The following HS6ST3 variants were observed in gnomAD, a reference collection of about 807,000 sequenced individuals.
HS6ST3 encodes heparan sulfate 6-O-sulfotransferase 3.
HS6ST3 carries 12 observed loss-of-function variants against 36.7 expected under a neutral mutation model. That is an observed-to-expected ratio of 0.33 (90% CI 0.21 to 0.53). HS6ST3 has a LOEUF of 0.53. Ranked by LOEUF, HS6ST3 falls within the 20% of genes least tolerant of loss-of-function variation. The probability of loss-of-function intolerance (pLI) is 0.95; values close to 1 mark genes in which losing one functional copy is unlikely to be tolerated. For missense variants in HS6ST3, 584 were observed against 640.9 expected (o/e 0.91, Z 0.96); for synonymous variants, 240 against 257.5 (o/e 0.93, Z 0.65).
At chr13:96,814,131 G>T (rs916303910) in intron 1 of HS6ST3, among the ~76,000 whole-genome samples, 4 of 152,096 alleles carry the variant, frequency 2.6e-5, no homozygotes, top group Non-Finnish European at 4.4e-5. Context: ...CTTGCAGACT[G>T]TGTTAATTCC....
chr13:96,593,447 T>C (rs1254427535), intron 1 of HS6ST3, among the ~76,000 whole-genome samples: 1 of 151,492 alleles, frequency 6.6e-6, no homozygotes, highest in African/African-American at 2.4e-5. Context: ...CCACCCACCT[T>C]TGTCTCCCAA....
At chr13:96,195,187 A>G (rs1234890406) in intron 1 of HS6ST3, among the ~76,000 whole-genome samples, 1 of 152,206 alleles carries the variant, frequency 6.6e-6, no homozygotes, top group Non-Finnish European at 1.5e-5. Flanking sequence ...GGAAACAAAA[A>G]TAGCATTAAC....
rs1012207624 is a variant in HS6ST3, at chr13:96,453,823, A to G, written c.707+362254A>G. 4.6e-5 allele frequency among the ~76,000 whole-genome samples: 7 copies of G among 152,270 alleles called. No homozygotes were observed. In the South Asian group the frequency reaches 1.5e-3, roughly 32 times the overall value. The stretch of plus-strand genomic sequence containing the variant: ...TCGCCAACTCTGAATAATCTGAAAA[A>G]TTTAAATATTTCTTGGCTAACTTTT... On this transcript the variant is annotated intron_variant, in intron 1 of 1. Coordinates refer to ENST00000376705, the MANE Select transcript of HS6ST3 (RefSeq NM_153456.4).
intron 1 of HS6ST3, among the ~76,000 whole-genome samples, chr13:96,758,853 T>A (rs1876896516): frequency 6.6e-6 from 1 of 152,044 alleles, no homozygotes; most frequent in African/African-American, 2.4e-5. Flanking sequence ...TGTAGCATTC[T>A]ATAAATATCA....
At chr13:96,691,462 T>C (rs1424642696) in intron 1 of HS6ST3, among the ~76,000 whole-genome samples, 1 of 152,124 alleles carries the variant, frequency 6.6e-6, no homozygotes, top group African/African-American at 2.4e-5. Context: ...AAATAAAGCT[T>C]ATAATTTAGG....
At chr13:96,594,260 C>T (rs565270528) in intron 1 of HS6ST3, among the ~76,000 whole-genome samples, 25 of 151,566 alleles carry the variant, frequency 1.6e-4, no homozygotes, top group Non-Finnish European at 1.8e-4. Context: ...TATGAGCCAC[C>T]GCACCTGGCC....
At chr13:96,778,694 A>G (rs1254531087) in intron 1 of HS6ST3, among the ~76,000 whole-genome samples, 1 of 152,190 alleles carries the variant, frequency 6.6e-6, no homozygotes, top group Non-Finnish European at 1.5e-5. Flanking sequence ...GGATGTGGAG[A>G]AACTGGAACC....
chr13:96,266,650 C>A (rs1314649488), intron 1 of HS6ST3, among the ~76,000 whole-genome samples: 1 of 152,006 alleles, frequency 6.6e-6, no homozygotes, highest in African/African-American at 2.4e-5. Context: ...GTGGGTACAT[C>A]CCTTGAAATT....
At chr13:96,104,147 G>A (rs1402952315) in intron 1 of HS6ST3, among the ~76,000 whole-genome samples, 1 of 152,080 alleles carries the variant, frequency 6.6e-6, no homozygotes, top group Non-Finnish European at 1.5e-5. Context: ...GATTTGAGAA[G>A]ACTGTTGAAT....
At chr13:96,328,259 A>C (rs1375468581) in intron 1 of HS6ST3, among the ~76,000 whole-genome samples, 13 of 148,708 alleles carry the variant, frequency 8.7e-5, no homozygotes, top group East Asian at 7.9e-4. Flanking sequence ...GTCTTGTGCC[A>C]GTTTTCAAAG....
chr13:96,473,426 A>G (rs1019515492), intron 1 of HS6ST3, among the ~76,000 whole-genome samples: 1 of 152,238 alleles, frequency 6.6e-6, no homozygotes, highest in East Asian at 1.9e-4. Flanking sequence ...TTCTTAAAAA[A>G]GTATATGCTG....
At chr13:96,745,552 C>T (rs536962918) in intron 1 of HS6ST3, among the ~76,000 whole-genome samples, 3 of 152,090 alleles carry the variant, frequency 2.0e-5, no homozygotes, top group South Asian at 2.1e-4. Context: ...CCAGAAGTCC[C>T]GAGAGTAACC....
At chr13:96,095,446 A>T (rs1043371777) in intron 1 of HS6ST3, among the ~76,000 whole-genome samples, 2 of 152,184 alleles carry the variant, frequency 1.3e-5, no homozygotes, top group African/African-American at 4.8e-5. Flanking sequence ...AACCCTGTGG[A>T]TGTTATATTA....
At chr13:96,563,843 C>T (rs895241592) in intron 1 of HS6ST3, among the ~76,000 whole-genome samples, 4 of 152,184 alleles carry the variant, frequency 2.6e-5, no homozygotes, top group African/African-American at 4.8e-5. Flanking sequence ...CACCTTCTTA[C>T]CCACTTTCAT....
chr13:96,199,160 C>G (rs2139350406), intron 1 of HS6ST3, among the ~76,000 whole-genome samples: 1 of 152,204 alleles, frequency 6.6e-6, no homozygotes, highest in Middle Eastern at 3.4e-3. Flanking sequence ...CTCCTAGATC[C>G]CTCCCACAAC....
At chr13:96,336,411 C>A (rs2055101183) in intron 1 of HS6ST3, among the ~76,000 whole-genome samples, 1 of 152,132 alleles carries the variant, frequency 6.6e-6, no homozygotes, top group Non-Finnish European at 1.5e-5. Context: ...GCCCCAACCC[C>A]CAGTGGTGCA....
chr13:96,554,916 A>G (rs190876219), intron 1 of HS6ST3, among the ~76,000 whole-genome samples: 134 of 151,964 alleles, frequency 8.8e-4, no homozygotes, highest in Non-Finnish European at 1.6e-3. Flanking sequence ...CTGTCTCTAC[A>G]AAACATACAA....
intron 1 of HS6ST3, among the ~76,000 whole-genome samples, chr13:96,231,794 A>G (rs542808456): frequency 9.2e-5 from 14 of 152,264 alleles, no homozygotes; most frequent in African/African-American, 3.4e-4. Flanking sequence ...TTATATGTTT[A>G]TGTGAAGGGT....
intron 1 of HS6ST3, among the ~76,000 whole-genome samples, chr13:96,708,434 C>T (rs1393315296): frequency 6.6e-6 from 1 of 152,168 alleles, no homozygotes; most frequent in East Asian, 1.9e-4. Context: ...CTCTGGCAGG[C>T]CAATCGTCTT....
Sources: gnomAD v4.1 joint callset for allele counts (sites outside exome capture counted in the v4.1 genomes callset) on GRCh38, gnomAD v4.1.1 for gene constraint, MANE v1.5 for transcripts, NCBI Gene and HGNC (gene_info 2026-07-23, HGNC 2026-07-21) for gene names.